NRG3: variants seen among roughly 807,000 people sequenced by gnomAD.
NRG3 encodes pro-neuregulin-3, membrane-bound isoform.
Under a neutral mutation model 66.9 loss-of-function variants are expected in NRG3, and 31 were observed. That is an observed-to-expected ratio of 0.46 (90% confidence interval 0.35 to 0.63). The LOEUF (loss-of-function observed/expected upper bound fraction) is 0.63. Among genes scored for constraint, NRG3 ranks in the 20% least tolerant of loss-of-function variants. The pLI is 0.00. For missense variants in NRG3, 910 were observed against 878.9 expected, an observed-to-expected ratio of 1.04 and a Z score of -0.45; for synonymous variants, 393 against 359.4, an observed-to-expected ratio of 1.09 and a Z score of -1.06.
At chr10:81,901,069 G>A (rs1047310727) in intron 1 of NRG3, among the ~76,000 whole-genome samples, 2 of 152,186 alleles carry the variant, frequency 1.3e-5, no homozygotes, top group Admixed American at 6.5e-5. Flanking sequence ...TTTCCACATG[G>A]TGAAGTCGGG....
intron 1 of NRG3, among the ~76,000 whole-genome samples, chr10:82,333,386 C>G (rs2082235557): frequency 6.6e-6 from 1 of 152,182 alleles, no homozygotes; most frequent in African/African-American, 2.4e-5. Flanking sequence ...GGGAAAAGTA[C>G]ACAGCTGAAT....
chr10:82,129,358 T>C (rs35702195), intron 1 of NRG3, among the ~76,000 whole-genome samples: 7,819 of 152,232 alleles, frequency 0.051, 593 homozygotes, highest in African/African-American at 0.17. Context: ...TTAAAGTTAG[T>C]CTTAGAACTC....
chr10:82,279,855 A>G lies in NRG3; in HGVS notation c.824-78884A>G, dbSNP rs971994653. Among the ~76,000 whole-genome samples, 34 of 152,342 alleles carry G rather than the reference A, an allele frequency of 2.2e-4. 1 individual carries two copies. The highest frequency in any genetic ancestry group is 6.7e-4 in the African/African-American group (28 of 41,586). ...TCTGAAAGTCAGTAAAATCGCTTCTATCCTCAGCTTACTGCAATAAGTAAT... is the reference window on the plus strand; with the variant it reads ...TCTGAAAGTCAGTAAAATCGCTTCTGTCCTCAGCTTACTGCAATAAGTAAT... On this transcript the variant is annotated intron_variant, in intron 1 of 8. Coordinates refer to ENST00000372141, the MANE Select transcript of NRG3 (RefSeq NM_001010848.4).
intron 1 of NRG3, among the ~76,000 whole-genome samples, chr10:82,129,537 A>C (rs1050828500): frequency 6.6e-6 from 1 of 152,048 alleles, no homozygotes; most frequent in African/African-American, 2.4e-5. Flanking sequence ...AGCATTTATT[A>C]TTTCTTTGTT....
intron 2 of NRG3, among the ~76,000 whole-genome samples, chr10:82,619,498 A>C (rs1298985714): frequency 1.3e-5 from 2 of 152,174 alleles, no homozygotes; most frequent in Non-Finnish European, 1.5e-5. Flanking sequence ...CCTGAGGAAA[A>C]ATGTGAAATT....
At chr10:82,201,112 C>G (rs1249985904) in intron 1 of NRG3, among the ~76,000 whole-genome samples, 1 of 149,690 alleles carries the variant, frequency 6.7e-6, no homozygotes, top group East Asian at 2.0e-4. Flanking sequence ...CAGGAGAAAT[C>G]ACTTGAACCC....
intron 1 of NRG3, among the ~76,000 whole-genome samples, chr10:82,160,723 A>G (rs978566372): frequency 3.9e-5 from 6 of 152,006 alleles, no homozygotes; most frequent in African/African-American, 1.4e-4. Context: ...AAAACATTGA[A>G]TATTGAAGAG....
intron 1 of NRG3, among the ~76,000 whole-genome samples, chr10:82,169,543 T>TA (rs1407277104): frequency 6.6e-6 from 1 of 151,664 alleles, no homozygotes; most frequent in Non-Finnish European, 1.5e-5. Context: ...TTTTAGGGTA[T>TA]ATTACTTACA....
chr10:82,501,511 T>C (rs908055829), intron 2 of NRG3, among the ~76,000 whole-genome samples: 2 of 152,100 alleles, frequency 1.3e-5, no homozygotes, highest in African/African-American at 4.8e-5. Context: ...TCTCTTATTT[T>C]AAACTCTCCT....
chr10:82,412,559 T>A (rs914207212), intron 2 of NRG3, among the ~76,000 whole-genome samples: 1 of 152,144 alleles, frequency 6.6e-6, no homozygotes, highest in Admixed American at 6.6e-5. Flanking sequence ...AGGGTGGTGG[T>A]TGCTGAAGGT....
chr10:82,599,132 TAGTC>T (rs1305636836), intron 2 of NRG3, among the ~76,000 whole-genome samples: 2 of 152,056 alleles, frequency 1.3e-5, no homozygotes, highest in Non-Finnish European at 2.9e-5. Flanking sequence ...ATAATCAAAT[TAGTC>T]AGGGATTTTT....
intron 2 of NRG3, among the ~76,000 whole-genome samples, chr10:82,734,379 A>G (rs917281004): frequency 6.6e-6 from 1 of 152,194 alleles, no homozygotes; most frequent in Non-Finnish European, 1.5e-5. Flanking sequence ...TCCCTACACA[A>G]CCAAGTGATT....
At chr10:82,287,095 A>G (rs137905518) in intron 1 of NRG3, among the ~76,000 whole-genome samples, 1 of 152,284 alleles carries the variant, frequency 6.6e-6, no homozygotes, top group African/African-American at 2.4e-5. Flanking sequence ...GCTGGCTGAT[A>G]GAGTTTGATA....
At chr10:82,761,878 T>TCTTTCTTC (rs1034500243) in intron 3 of NRG3, among the ~76,000 whole-genome samples, 12 of 151,620 alleles carry the variant, frequency 7.9e-5, no homozygotes, top group Admixed American at 7.9e-4. Context: ...CTTTTTTTCT[T>TCTTTCTTC]CTTTCTTCCT....
At chr10:82,102,154 A>G (rs1367352233) in intron 1 of NRG3, among the ~76,000 whole-genome samples, 15 of 103,104 alleles carry the variant, frequency 1.5e-4, no homozygotes, top group East Asian at 1.2e-3. Context: ...ATATATATAT[A>G]TATATATATA....
intron 4 of NRG3, among the ~76,000 whole-genome samples, chr10:82,926,965 CT>C (rs1368281171): frequency 6.6e-6 from 1 of 152,102 alleles, no homozygotes; most frequent in Non-Finnish European, 1.5e-5. Context: ...CTTTGTTATC[CT>C]TCTGGTCTCC....
At chr10:82,547,734 A>T (rs774627123) in intron 2 of NRG3, among the ~76,000 whole-genome samples, 4 of 151,648 alleles carry the variant, frequency 2.6e-5, no homozygotes, top group Non-Finnish European at 5.9e-5. Context: ...TCTAGAATAG[A>T]CTCCAGTTCT....
chr10:82,503,766 C>T (rs560677379), intron 2 of NRG3, among the ~76,000 whole-genome samples: 2 of 152,172 alleles, frequency 1.3e-5, no homozygotes, highest in African/African-American at 4.8e-5. Context: ...ATTTAATATC[C>T]CAAATTCCAG....
At chr10:82,214,619 C>T (rs537917779) in intron 1 of NRG3, among the ~76,000 whole-genome samples, 112 of 152,140 alleles carry the variant, frequency 7.4e-4, no homozygotes, top group African/African-American at 2.6e-3. Context: ...CATGCCACCA[C>T]ACCTGGCTAA....
Sources: gnomAD v4.1 joint callset for allele counts (sites outside exome capture counted in the v4.1 genomes callset) on GRCh38, gnomAD v4.1.1 for gene constraint, MANE v1.5 for transcripts, NCBI Gene and HGNC (gene_info 2026-07-23, HGNC 2026-07-21) for gene names.